Variants in MSL2 observed in about 807,000 individuals in gnomAD.
MSL2 encodes the protein MSL complex subunit 2.
MSL2 carries 2 observed loss-of-function variants against 35.8 expected under a neutral mutation model. The ratio of observed to expected loss-of-function variants is 0.06; its 90% CI spans 0.02 to 0.18. The LOEUF (loss-of-function observed/expected upper bound fraction) is 0.18, where lower values mean the gene tolerates loss of function less well. Ranked by LOEUF, MSL2 falls within the 10% of genes least tolerant of loss-of-function variation. MSL2 has a pLI of 1.00. For synonymous variants in MSL2, 296 were observed against 255.7 expected, an observed-to-expected ratio of 1.16 and a Z score of -1.50; for missense variants, 523 against 706.7, an observed-to-expected ratio of 0.74 and a Z score of 2.95.
intron 1 of MSL2, among the ~76,000 whole-genome samples, chr3:136,188,439 GA>G (rs35989218): frequency 0.09 from 9,156 of 101,278 alleles, 309 homozygotes; most frequent in Middle Eastern, 0.11. Context: ...TCTGGAAGAA[GA>G]AAAAAAAAAA....
chr3:136,181,198 A>G (rs1275232608), intron 1 of MSL2, among the ~76,000 whole-genome samples: 55 of 152,004 alleles, frequency 3.6e-4, no homozygotes, highest in Admixed American at 3.6e-3. Context: ...AATATTTAGA[A>G]TCATTTACAT....
At chr3:136,157,300 A>AAGGCGGGCCGATCACCTGAGGTCAG (rs1559958159) in intron 1 of MSL2, among the ~76,000 whole-genome samples, 1 of 149,820 alleles carries the variant, frequency 6.7e-6, no homozygotes, top group Non-Finnish European at 1.5e-5. Context: ...TGAGGTCAGG[A>AAGGCGGGCCGATCACCTGAGGTCAG]GTTCGACACC....
At chr3:136,166,464 G>A (rs1576362703) in intron 1 of MSL2, among the ~76,000 whole-genome samples, 1 of 152,066 alleles carries the variant, frequency 6.6e-6, no homozygotes, top group African/African-American at 2.4e-5. Context: ...AATTTGTTAA[G>A]TAATATTTTT....
rs569655691 is a variant in MSL2 at position 136,165,873 on chromosome 3, T to C, written c.143-13135A>G. Among the ~76,000 whole-genome samples the C allele has an allele frequency of 1.1e-4, 16 of 152,136 alleles. 1 individual carries two copies. The South Asian group carries it at 3.3e-3, about 32-fold the overall frequency. ...AATTGTAAATTTAAAGTTAAGAGTA[T>C]AATGGGATAACTAAAAGAGTATAAT... On this transcript the variant is annotated intron_variant, in intron 1 of 1. Coordinates refer to ENST00000309993, the MANE Select transcript of MSL2 (RefSeq NM_018133.4).
At chr3:136,189,604 G>T (rs1251540610) in intron 1 of MSL2, among the ~76,000 whole-genome samples, 1 of 150,904 alleles carries the variant, frequency 6.6e-6, no homozygotes, top group African/African-American at 2.4e-5. Flanking sequence ...GGTGCCTGCA[G>T]TCCCAGCTAC....
chr3:136,162,757 G>A (rs1939743931), intron 1 of MSL2, among the ~76,000 whole-genome samples: 1 of 152,024 alleles, frequency 6.6e-6, no homozygotes, highest in African/African-American at 2.4e-5. Flanking sequence ...CCAAAATAAA[G>A]TAACCATAAT....
At chr3:136,190,266 G>C (rs1177820785) in intron 1 of MSL2, among the ~76,000 whole-genome samples, 1 of 152,044 alleles carries the variant, frequency 6.6e-6, no homozygotes, top group Non-Finnish European at 1.5e-5. Flanking sequence ...AACATCACAG[G>C]TGACCAATAA....
In MSL2 at chr3:136,195,040, G is replaced by C; in HGVS notation, c.74C>G (p.Pro25Arg). 1 of 1,614,130 alleles carries C rather than the reference G, an allele frequency of 6.2e-7. No individual in the cohort carries two copies. The highest frequency in any genetic ancestry group is 8.5e-7 in the Non-Finnish European group (1 of 1,180,020). ...CCTGTTAATCTCAGTAAACGCCTTG[G>C]GGTCTCCGGGGTCGTAGTTGAGCAC... is the stretch of plus-strand genomic sequence containing the variant. ...RLVLNYDPGD[P>R]KAFTEINRLL... The change falls in exon 1 of 2, where the codon CCC becomes CGC. Residue 25 changes from proline (P) to arginine (R), a missense_variant. Pro to Arg is a moderately radical substitution (Grantham distance 103). Around this residue, in one of 5 missense-constraint regions of MSL2, gnomAD observed 45 missense variants for 47.5 expected, o/e 0.95. Coordinates refer to ENST00000309993, the MANE Select transcript of MSL2 (RefSeq NM_018133.4).
chr3:136,175,423 CACTT>C (rs1007778227), intron 1 of MSL2, among the ~76,000 whole-genome samples: 1 of 151,852 alleles, frequency 6.6e-6, no homozygotes, highest in African/African-American at 2.4e-5. Context: ...CAGTGGCTCA[CACTT>C]ACAATACCAG....
In MSL2 at chr3:136,187,912, T is replaced by C. The variant is rs568908277; in HGVS notation, c.142+7060A>G. Reference sequence around the variant, plus strand: ...GATTTTAATAAGCTTTTAGGTGATTTTGATTCAGGTGGCCTGTAGAACATA... The same window carrying C: ...GATTTTAATAAGCTTTTAGGTGATTCTGATTCAGGTGGCCTGTAGAACATA... On this transcript the variant is annotated intron_variant, in intron 1 of 1. Coordinates refer to ENST00000309993, the MANE Select transcript of MSL2 (RefSeq NM_018133.4). Among the ~76,000 whole-genome samples, 237 of 152,158 alleles carry C rather than the reference T, an allele frequency of 1.6e-3. 1 individual carries two copies. Among genetic ancestry groups the C allele is most frequent in the Middle Eastern group, 3.4e-3 (1 of 294 alleles).
rs1004901418 is a variant in MSL2, at chr3:136,195,737, C to T, written c.-624G>A. On this transcript the variant is annotated 5_prime_UTR_variant, in exon 1 of 2. Coordinates refer to ENST00000309993, the MANE Select transcript of MSL2 (RefSeq NM_018133.4). ...CGCGCTCTCCATATCGGACGCGGGG[C>T]CCAGACTGCGCCCTGGCTCTCCGCC... The T allele has an allele frequency of 5.1e-6, 5 of 985,056 alleles. No homozygotes were observed. The East Asian group carries it at 3.4e-4, about 68-fold the overall frequency. 61.0% of individuals were successfully genotyped at this position (985,056 alleles called of 1,614,324 possible). A position where few individuals can be genotyped will look rare whatever the true frequency, so the allele number is the denominator to read the frequency against.
At chr3:136,162,273 T>TAAA (rs559618888) in intron 1 of MSL2, among the ~76,000 whole-genome samples, 1 of 135,904 alleles carries the variant, frequency 7.4e-6, no homozygotes. Flanking sequence ...ATAAGGTTTT[T>TAAA]AAAAAAAAAA....
intron 1 of MSL2, among the ~76,000 whole-genome samples, chr3:136,154,440 C>T (rs915073329): frequency 2.6e-5 from 4 of 152,174 alleles, no homozygotes; most frequent in Non-Finnish European, 5.9e-5. Flanking sequence ...TCCACTCTTA[C>T]TCTCCAAAGC....
chr3:136,190,375 C>A (rs531335493), intron 1 of MSL2, among the ~76,000 whole-genome samples: 1 of 152,096 alleles, frequency 6.6e-6, no homozygotes, highest in Non-Finnish European at 1.5e-5. Flanking sequence ...CACAGCAAGG[C>A]CACATCTCTA....
rs1939284220 is a variant in MSL2 at position 136,149,580 on chromosome 3, A to G, written c.*1567T>C. On this transcript the variant is annotated 3_prime_UTR_variant, in exon 2 of 2. Coordinates refer to ENST00000309993, the MANE Select transcript of MSL2 (RefSeq NM_018133.4). Reference sequence around the variant, plus strand: ...CTTTAGCCCACCCCCACCCCACCAAAAGAGACCAAAAAAAAAAAAAGAAAA... The same window carrying G: ...CTTTAGCCCACCCCCACCCCACCAAGAGAGACCAAAAAAAAAAAAAGAAAA... 1 of 149,274 alleles carries G rather than the reference A, an allele frequency of 6.7e-6. No homozygotes were observed. Among genetic ancestry groups the G allele is most frequent in the African/African-American group, 2.5e-5 (1 of 40,756 alleles). The allele number at this position is 149,274 out of a possible 1,614,324, so 9.2% of individuals were successfully genotyped here.
At position 136,155,057 on chromosome 3, in the gene MSL2, A is replaced by G. The variant is rs187003181; in HGVS notation, c.143-2319T>C. Among the ~76,000 whole-genome samples, 5 of 152,084 alleles carry G rather than the reference A, an allele frequency of 3.3e-5. No individual in the cohort carries two copies. In the East Asian group the frequency reaches 7.7e-4, roughly 24 times the overall value. On this transcript the variant is annotated intron_variant, in intron 1 of 1. Coordinates refer to ENST00000309993, the MANE Select transcript of MSL2 (RefSeq NM_018133.4). Reference sequence around the variant, plus strand: ...ACTCCATCTCTACTAAAAATACAAAAATTAGCTGGGAGTGGTGGCACACGC... The same window carrying G: ...ACTCCATCTCTACTAAAAATACAAAGATTAGCTGGGAGTGGTGGCACACGC...
rs778994248 is a variant in MSL2 at position 136,151,566 on chromosome 3, G to A, written c.1315C>T (p.Pro439Ser). 2.5e-6 allele frequency: 4 copies of A among 1,614,018 alleles called. No homozygotes were observed. The highest frequency in any genetic ancestry group is 4.5e-5 in the East Asian group (2 of 44,902). ...KKDKAVKEKI[P>S]SHHFMPGSPT... is the part of the protein sequence containing the mutation. ...CTTCCTGGCATAAAATGATGACTAGGAATCTTTTCCTTTACTGCTTTGTCT... is the reference window on the plus strand; with the variant it reads ...CTTCCTGGCATAAAATGATGACTAGAAATCTTTTCCTTTACTGCTTTGTCT... The change falls in exon 2 of 2, where the codon CCT (proline) becomes TCT (serine). Residue 439 changes from proline to serine, a missense_variant. By Grantham distance (74) the Pro-to-Ser change is moderately conservative. Around this residue, in one of 5 missense-constraint regions of MSL2, gnomAD observed 361 missense variants for 414.6 expected, o/e 0.87. Coordinates refer to ENST00000309993, the MANE Select transcript of MSL2 (RefSeq NM_018133.4). This position sits in a 1 kb window ranked among gnomAD's most constrained non-coding sequence, Gnocchi z 5.2.
In MSL2 at chr3:136,150,557, A is replaced by C. The variant is rs1319819612; in HGVS notation, c.*590T>G. 1 of 152,708 alleles carries C rather than the reference A, an allele frequency of 6.5e-6. No individual in the cohort carries two copies. Among genetic ancestry groups the C allele is most frequent in the Non-Finnish European group, 1.5e-5 (1 of 68,098 alleles). The allele number at this position is 152,708 out of a possible 1,614,324, so 9.5% of individuals were successfully genotyped here. A position where few individuals can be genotyped will look rare whatever the true frequency, so the allele number is the denominator to read the frequency against. ...TTTTACTTTTTAAAAAGATTTCTTA[A>C]ACATTCTAATGAGGGGGAATTTTTT... On this transcript the variant is annotated 3_prime_UTR_variant, in exon 2 of 2. Coordinates refer to ENST00000309993, the MANE Select transcript of MSL2 (RefSeq NM_018133.4).
chr3:136,153,670 G>C (rs1305204452), intron 1 of MSL2, among the ~76,000 whole-genome samples: 1 of 151,678 alleles, frequency 6.6e-6, no homozygotes, highest in Non-Finnish European at 1.5e-5. Context: ...CGCACCTGTA[G>C]TCCCAGCTGC....
Sources: allele counts gnomAD v4.1 joint callset (sites outside exome capture counted in the v4.1 genomes callset), GRCh38; gene constraint gnomAD v4.1.1; regional missense constraint gnomAD v4.1.1; non-coding constraint Gnocchi (gnomAD v3.1); transcripts MANE v1.5; gene names NCBI Gene and HGNC (gene_info 2026-07-23, HGNC 2026-07-21).